The following SULF1 variants were observed in gnomAD, a reference collection of about 807,000 sequenced individuals.
SULF1 encodes the protein sulfatase 1.
A neutral mutation model predicts 110.5 loss-of-function variants in SULF1; 46 were observed. That is an observed-to-expected ratio of 0.42 (90% CI 0.33 to 0.53). The LOEUF is 0.53. SULF1 is among the 20% of genes least tolerant of loss of function. The pLI is 0.12. For synonymous variants in SULF1, 371 were observed against 387.1 expected (o/e 0.96, Z 0.49); for missense variants, 941 against 1,094.2 (o/e 0.86, Z 1.98).
At chr8:69,574,955 C>A (rs967710084) in intron 5 of SULF1, among the ~76,000 whole-genome samples, 3 of 152,132 alleles carry the variant, frequency 2.0e-5, no homozygotes, top group Non-Finnish European at 4.4e-5. Context: ...TGAATGCTTG[C>A]CTGGTTTGCA....
chr8:69,592,658 T>A (rs1399926552), intron 8 of SULF1, among the ~76,000 whole-genome samples: 2 of 152,172 alleles, frequency 1.3e-5, no homozygotes, highest in Non-Finnish European at 2.9e-5. Flanking sequence ...AGAGGCAGTG[T>A]AAGTAAAGTC....
intron 5 of SULF1, among the ~76,000 whole-genome samples, chr8:69,573,731 A>G (rs1805405903): frequency 6.6e-6 from 1 of 152,178 alleles, no homozygotes. Context: ...TCATCCACTT[A>G]TCTCCAGGAT....
At chr8:69,569,597 A>T (rs1184385934) in intron 5 of SULF1, among the ~76,000 whole-genome samples, 1 of 152,166 alleles carries the variant, frequency 6.6e-6, no homozygotes, top group African/African-American at 2.4e-5. Flanking sequence ...TCTATAAACC[A>T]TGTCTCTATC....
chr8:69,613,029 G>A (rs1303519914), intron 13 of SULF1, among the ~76,000 whole-genome samples: 1 of 152,112 alleles, frequency 6.6e-6, no homozygotes, highest in African/African-American at 2.4e-5. Flanking sequence ...GTTGATTTTT[G>A]TGTAACGTGA....
chr8:69,521,548 G>C (rs749108641), intron 3 of SULF1, among the ~76,000 whole-genome samples: 1 of 152,108 alleles, frequency 6.6e-6, no homozygotes, highest in Non-Finnish European at 1.5e-5. Context: ...AGAACAGCTA[G>C]AGCAAAAGCC....
rs141733158 is a variant in SULF1 at position 69,504,088 on chromosome 8, G to A, written c.-134+2120G>A. Among the ~76,000 whole-genome samples the A allele has an allele frequency of 2.6e-5, 4 of 152,198 alleles. No homozygotes were observed. The East Asian group carries it at 7.8e-4, about 30-fold the overall frequency. On this transcript the variant is annotated intron_variant, in intron 3 of 22. Coordinates refer to ENST00000402687, the MANE Select transcript of SULF1 (RefSeq NM_001128205.2). ...GCTGGGATTACAGGCGTGAGCCACT[G>A]CGCCCATGAAAAGGCCACTTTTCTA...
intron 3 of SULF1, among the ~76,000 whole-genome samples, chr8:69,513,783 G>A (rs535116922): frequency 3.9e-5 from 6 of 152,240 alleles, no homozygotes; most frequent in African/African-American, 1.4e-4. Context: ...GTTTCTAATT[G>A]GACTTCCATC....
In SULF1 at chr8:69,590,454, C is replaced by T. The variant is rs111545139; in HGVS notation, c.734+1313C>T. Among the ~76,000 whole-genome samples the T allele has an allele frequency of 9.5e-3, 1,447 of 152,268 alleles. 23 individuals carry two copies. The highest frequency in any genetic ancestry group is 0.033 in the African/African-American group (1,370 of 41,534). On this transcript the variant is annotated intron_variant, in intron 8 of 22. Transcript: ENST00000402687. ...TGCTGGGATTACAGGCATGAGCCACCGCACCCAGCCTTATAAAATATTTTT... is the reference window on the plus strand; with the variant it reads ...TGCTGGGATTACAGGCATGAGCCACTGCACCCAGCCTTATAAAATATTTTT...
At chr8:69,483,860 C>T (rs1809599934) in intron 1 of SULF1, among the ~76,000 whole-genome samples, 1 of 152,172 alleles carries the variant, frequency 6.6e-6, no homozygotes, top group Non-Finnish European at 1.5e-5. Context: ...GTCTGTTTTA[C>T]TTACTAATGT....
At chr8:69,637,053 T>C (rs745870384) in intron 19 of SULF1, among the ~76,000 whole-genome samples, 2 of 152,204 alleles carry the variant, frequency 1.3e-5, no homozygotes, top group Non-Finnish European at 2.9e-5. Context: ...TGTTGTTGCA[T>C]AGAATAAGAG....
intron 6 of SULF1, among the ~76,000 whole-genome samples, chr8:69,581,962 A>G (rs1806102613): frequency 6.7e-6 from 1 of 149,896 alleles, no homozygotes; most frequent in South Asian, 2.1e-4. Flanking sequence ...CTCCGTTAAC[A>G]CAGAGACACC....
At chr8:69,592,698 C>T (rs1806997057) in intron 8 of SULF1, among the ~76,000 whole-genome samples, 1 of 152,236 alleles carries the variant, frequency 6.6e-6, no homozygotes, top group Admixed American at 6.5e-5. Context: ...ATACAAGCCA[C>T]TTCATAAGTG....
intron 14 of SULF1, 83 bp downstream of exon 14, chr8:69,621,334 C>T (rs1809593183): frequency 2.0e-6 from 2 of 978,542 alleles, no homozygotes; most frequent in African/African-American, 3.2e-5. Flanking sequence ...GTTGCTCCTT[C>T]TACATTTTAG....
At chr8:69,573,295 G>A (rs1805371746) in intron 5 of SULF1, among the ~76,000 whole-genome samples, 1 of 152,220 alleles carries the variant, frequency 6.6e-6, no homozygotes, top group Non-Finnish European at 1.5e-5. Flanking sequence ...TTAAGAAAAG[G>A]ATGATACTGA....
chr8:69,494,314 GT>G (rs1347539434), intron 1 of SULF1, among the ~76,000 whole-genome samples: 1 of 151,986 alleles, frequency 6.6e-6, no homozygotes, highest in Non-Finnish European at 1.5e-5. Context: ...TATCTATCTA[GT>G]GCTCAGTATG....
intron 3 of SULF1, among the ~76,000 whole-genome samples, chr8:69,560,966 G>C (rs1005759264): frequency 6.6e-6 from 1 of 152,208 alleles, no homozygotes; most frequent in Admixed American, 6.5e-5. Context: ...TCCCTGAATT[G>C]AATGTTGGTG....
chr8:69,622,405 G>A (rs567707422), intron 14 of SULF1, among the ~76,000 whole-genome samples: 1 of 151,958 alleles, frequency 6.6e-6, no homozygotes, highest in Non-Finnish European at 1.5e-5. Context: ...CTGGTGAAAC[G>A]CCATCTCTAC....
At chr8:69,595,282 T>G (rs983674480) in intron 8 of SULF1, among the ~76,000 whole-genome samples, 3 of 152,212 alleles carry the variant, frequency 2.0e-5, no homozygotes, top group Non-Finnish European at 4.4e-5. Context: ...GGTGATCTTC[T>G]CACTCCACCA....
At chr8:69,641,637 A>G (rs368552534) in intron 22 of SULF1, among the ~76,000 whole-genome samples, 18 of 152,222 alleles carry the variant, frequency 1.2e-4, no homozygotes, top group African/African-American at 4.3e-4. Flanking sequence ...TCAGCTACTC[A>G]AGAAGCTGAG....
Sources: gnomAD v4.1 joint callset for allele counts (sites outside exome capture counted in the v4.1 genomes callset) on GRCh38, gnomAD v4.1.1 for gene constraint, MANE v1.5 for transcripts, NCBI Gene and HGNC (gene_info 2026-07-23, HGNC 2026-07-21) for gene names.